The following TNKS variants were observed in gnomAD, a reference collection of about 807,000 sequenced individuals.
The protein encoded by TNKS is tankyrase, also known as poly [ADP-ribose] polymerase tankyrase-1.
In TNKS, 72 loss-of-function variants were observed where a neutral mutation model predicts 135.8. That is an observed-to-expected ratio of 0.53 (90% CI 0.44 to 0.64). The LOEUF (loss-of-function observed/expected upper bound fraction) is 0.64, where lower values mean the gene tolerates loss of function less well. Ranked by LOEUF, TNKS falls within the 30% of genes least tolerant of loss-of-function variation. TNKS has a pLI of 0.00. For synonymous variants in TNKS, 849 were observed against 649.3 expected (o/e 1.31, Z -4.68); for missense variants, 1,769 against 1,674.0 (o/e 1.06, Z -0.99).
intron 18 of TNKS, among the ~76,000 whole-genome samples, chr8:9,751,091 C>T (rs540773274): frequency 6.6e-6 from 1 of 152,160 alleles, no homozygotes; most frequent in Non-Finnish European, 1.5e-5. Flanking sequence ...CAAGGGGAGG[C>T]ATACATGACG....
chr8:9,761,496 A>G lies in TNKS; in HGVS notation c.3154-20A>G. ...AAGAACTGTTAAAGATATCCTAGCT[A>G]ATTTTGTTTCATTTTTCAGATTACA... On this transcript the variant is annotated intron_variant, in intron 20 of 26. Coordinates refer to ENST00000310430, the MANE Select transcript of TNKS (RefSeq NM_003747.3). 1 of 1,612,084 alleles carries G rather than the reference A, an allele frequency of 6.2e-7. No individual in the cohort carries two copies. The highest frequency in any genetic ancestry group is 8.5e-7 in the Non-Finnish European group (1 of 1,179,486).
chr8:9,580,176 G>A lies in TNKS; in HGVS notation c.691G>A (p.Val231Ile), dbSNP rs1168433653. 1 of 1,613,982 alleles carries A rather than the reference G, an allele frequency of 6.2e-7. No individual in the cohort carries two copies. Among genetic ancestry groups the A allele is most frequent in the Non-Finnish European group, 8.5e-7 (1 of 1,179,968 alleles). Residue 231 changes from valine to isoleucine, a missense_variant, in exon 2 of 27, where the codon GTT becomes ATT. Around this residue, in one of 5 missense-constraint regions of TNKS, gnomAD observed 5 missense variants for 18.9 expected, o/e 0.26. Transcript: ENST00000310430. ...HFAAGFGRKDVVEHLLQMGAN... is the reference protein window; with the variant it reads ...HFAAGFGRKDIVEHLLQMGAN... ...CTTTTTAGGTTTTGGAAGGAAGGATGTTGTAGAACACTTACTACAGATGGG... is the reference window on the plus strand; with the variant it reads ...CTTTTTAGGTTTTGGAAGGAAGGATATTGTAGAACACTTACTACAGATGGG...
chr8:9,620,161 G>A (rs959301640), intron 3 of TNKS, among the ~76,000 whole-genome samples: 1 of 152,084 alleles, frequency 6.6e-6, no homozygotes, highest in Admixed American at 6.5e-5. Flanking sequence ...CTTTGGCCAG[G>A]ATGGTCTCGA....
At chr8:9,664,912 C>T (rs1801918420) in intron 3 of TNKS, among the ~76,000 whole-genome samples, 1 of 152,210 alleles carries the variant, frequency 6.6e-6, no homozygotes, top group Non-Finnish European at 1.5e-5. Flanking sequence ...TCCCTATGTG[C>T]TGTCTGCCAT....
At chr8:9,765,982 C>T (rs1259462538) in intron 24 of TNKS, among the ~76,000 whole-genome samples, 185 bp downstream of exon 24, 1 of 152,162 alleles carries the variant, frequency 6.6e-6, no homozygotes, top group Non-Finnish European at 1.5e-5. Flanking sequence ...TACAGACTTT[C>T]CAGTGCATAT....
At chr8:9,572,624 A>G (rs1797798926) in intron 1 of TNKS, among the ~76,000 whole-genome samples, 1 of 152,224 alleles carries the variant, frequency 6.6e-6, no homozygotes, top group Admixed American at 6.5e-5. Context: ...AAAGAACTTT[A>G]GAAGATAGAC....
intron 2 of TNKS, among the ~76,000 whole-genome samples, chr8:9,607,795 A>T (rs1263499032): frequency 1.3e-5 from 2 of 152,184 alleles, no homozygotes; most frequent in Non-Finnish European, 2.9e-5. Context: ...AAGAAATCTA[A>T]TGGTCAATAT....
chr8:9,643,235 C>T (rs573015839), intron 3 of TNKS, among the ~76,000 whole-genome samples: 3 of 146,080 alleles, frequency 2.1e-5, no homozygotes, highest in Non-Finnish European at 3.0e-5. Context: ...AATAGTATAA[C>T]ACAGACTGGG....
At chr8:9,646,052 T>G (rs1259704651) in intron 3 of TNKS, among the ~76,000 whole-genome samples, 6 of 152,160 alleles carry the variant, frequency 3.9e-5, no homozygotes, top group Admixed American at 3.9e-4. Context: ...GTATATTATA[T>G]CTCTTCATTT....
intron 3 of TNKS, among the ~76,000 whole-genome samples, chr8:9,648,887 C>G (rs1444492264): frequency 6.6e-6 from 1 of 150,456 alleles, no homozygotes; most frequent in Non-Finnish European, 1.5e-5. Context: ...TCTGTTATAT[C>G]TAGGCTTAGA....
chr8:9,583,551 C>T (rs373957806), intron 2 of TNKS, among the ~76,000 whole-genome samples: 2 of 151,904 alleles, frequency 1.3e-5, no homozygotes, highest in East Asian at 2.0e-4. Flanking sequence ...TGCGGTGGCG[C>T]GATCTCTGCT....
intron 20 of TNKS, among the ~76,000 whole-genome samples, chr8:9,753,633 T>A (rs903919445): frequency 6.6e-6 from 1 of 152,234 alleles, no homozygotes; most frequent in Non-Finnish European, 1.5e-5. Context: ...AATGGACTAT[T>A]GATATACATG....
rs541918994 is a variant in TNKS at position 9,726,823 on chromosome 8, G to T, written c.2001+103G>T. ...TCTACTCAAATACAAACAGTAAAAA[G>T]GATGAACAGAGTCATGGGCAGGAAA... On this transcript the variant is annotated intron_variant, in intron 13 of 26. Coordinates refer to ENST00000310430, the MANE Select transcript of TNKS (RefSeq NM_003747.3). 4 of 932,690 alleles carry T rather than the reference G, an allele frequency of 4.3e-6. 1 individual carries two copies. The Admixed American group carries it at 8.8e-5, about 20-fold the overall frequency. The allele number at this position is 932,690 out of a possible 1,614,324, so 57.8% of individuals were successfully genotyped here. A position where few individuals can be genotyped will look rare whatever the true frequency, so the allele number is the denominator to read the frequency against.
intron 3 of TNKS, among the ~76,000 whole-genome samples, chr8:9,635,196 G>C (rs898821536): frequency 6.6e-6 from 1 of 151,090 alleles, no homozygotes; most frequent in Non-Finnish European, 1.5e-5. Context: ...AAAAAGTAAT[G>C]AACTGCTCAA....
intron 2 of TNKS, among the ~76,000 whole-genome samples, chr8:9,608,444 T>C (rs1799318591): frequency 6.6e-6 from 1 of 152,158 alleles, no homozygotes; most frequent in Non-Finnish European, 1.5e-5. Flanking sequence ...TTTTTTTTTT[T>C]AGGTTCTCTT....
chr8:9,700,201 T>C (rs1418280684), intron 5 of TNKS, among the ~76,000 whole-genome samples: 2 of 152,162 alleles, frequency 1.3e-5, no homozygotes, highest in Non-Finnish European at 1.5e-5. Flanking sequence ...TTGCCTGCTT[T>C]CTCTAGTGAC....
chr8:9,561,641 G>A (rs1427700720), intron 1 of TNKS, among the ~76,000 whole-genome samples: 3 of 152,094 alleles, frequency 2.0e-5, no homozygotes, highest in Non-Finnish European at 4.4e-5. Flanking sequence ...TGGCTATTAT[G>A]AATAAAGTCG....
Position 9,580,147 on chromosome 8 carries a change from G to C in TNKS, c.674-12G>C. The stretch of plus-strand genomic sequence containing the variant: ...AAATATATATACAAGACATTTTTTC[G>C]TTTCTTTTTAGGTTTTGGAAGGAAG... On this transcript the variant is annotated splice_polypyrimidine_tract_variant and intron_variant, in intron 1 of 26. Coordinates refer to ENST00000310430, the MANE Select transcript of TNKS (RefSeq NM_003747.3). 1 of 1,602,788 alleles carries C rather than the reference G, an allele frequency of 6.2e-7. No individual in the cohort carries two copies. The highest frequency in any genetic ancestry group is 8.5e-7 in the Non-Finnish European group (1 of 1,175,402).
chr8:9,750,282 G>GGGA (rs1425492859), intron 18 of TNKS, among the ~76,000 whole-genome samples: 1 of 152,202 alleles, frequency 6.6e-6, no homozygotes, highest in Non-Finnish European at 1.5e-5. Flanking sequence ...AACTTTTGCT[G>GGGA]ATGGAGAGGC....
Sources: gnomAD v4.1 joint callset for allele counts (sites outside exome capture counted in the v4.1 genomes callset) on GRCh38, gnomAD v4.1.1 for gene constraint, gnomAD v4.1.1 regional missense constraint, MANE v1.5 for transcripts, NCBI Gene and HGNC (gene_info 2026-07-23, HGNC 2026-07-21) for gene names.